The following SLCO4C1 variants were observed in gnomAD, a reference collection of about 807,000 sequenced individuals.
The protein encoded by SLCO4C1 is solute carrier organic anion transporter family member 4C1.
In SLCO4C1, 58 loss-of-function variants were observed where a neutral mutation model predicts 72.1. The ratio of observed to expected loss-of-function variants is 0.80; its 90% CI spans 0.65 to 1.00. SLCO4C1 has a LOEUF of 1.00. Ranked by LOEUF, SLCO4C1 falls within the 50% of genes least tolerant of loss-of-function variation. The probability of loss-of-function intolerance (pLI) is 0.00; values close to 1 mark genes in which losing one functional copy is unlikely to be tolerated. For missense variants in SLCO4C1, 898 were observed against 857.9 expected (o/e 1.05, Z -0.58); for synonymous variants, 297 against 312.5 (o/e 0.95, Z 0.52).
chr5:102,281,226 G>A (rs1749350677), intron 2 of SLCO4C1, among the ~76,000 whole-genome samples: 1 of 152,084 alleles, frequency 6.6e-6, no homozygotes, highest in South Asian at 2.1e-4. Flanking sequence ...TTCAAATGGA[G>A]CTAGAGCAAA....
chr5:102,285,212 T>TACACACACAC (rs3070619), intron 2 of SLCO4C1, among the ~76,000 whole-genome samples: 4,713 of 147,884 alleles, frequency 0.032, 245 homozygotes, highest in African/African-American at 0.11. Context: ...TATATATACA[T>TACACACACAC]ACACACACAC....
At chr5:102,267,596 TTAACTCTTG>T (rs1749064653) in intron 3 of SLCO4C1, among the ~76,000 whole-genome samples, 1 of 151,212 alleles carries the variant, frequency 6.6e-6, no homozygotes, top group Non-Finnish European at 1.5e-5. Context: ...TTTTTTTTTT[TTAACTCTTG>T]TAACTCTTGT....
In SLCO4C1 at chr5:102,258,092, A is replaced by AG; in HGVS notation, c.1129-6dup. 4.5e-6 allele frequency: 7 copies of AG among 1,538,738 alleles called. No individual in the cohort carries two copies. The highest frequency in any genetic ancestry group is 6.1e-6 in the Non-Finnish European group (7 of 1,149,518). ...GACAGCATTCTTCATCAAATTCTAA[A>AG]GAAAAAAATACAGTTCCTCAAATGA... On this transcript the variant is annotated splice_polypyrimidine_tract_variant and splice_region_variant and intron_variant, in intron 6 of 12. Transcript: ENST00000310954.
chr5:102,287,880 C>T (rs560101895), intron 2 of SLCO4C1, among the ~76,000 whole-genome samples: 1 of 152,102 alleles, frequency 6.6e-6, no homozygotes, highest in Admixed American at 6.6e-5. Context: ...AACATCCCTT[C>T]CGTTTCTAAA....
At chr5:102,287,808 C>A (rs776986027) in intron 2 of SLCO4C1, among the ~76,000 whole-genome samples, 1 of 151,992 alleles carries the variant, frequency 6.6e-6, no homozygotes, top group African/African-American at 2.4e-5. Context: ...CCCACCTTGG[C>A]CTCCAAAAGT....
At chr5:102,290,190 G>C (rs1196200803) in intron 2 of SLCO4C1, among the ~76,000 whole-genome samples, 3 of 152,188 alleles carry the variant, frequency 2.0e-5, no homozygotes, top group African/African-American at 7.2e-5. Flanking sequence ...CATGGGGAGA[G>C]AGGAAGCAAG....
At position 102,257,258 on chromosome 5, in the gene SLCO4C1, A is replaced by G. The variant is rs774062765; in HGVS notation, c.1326T>C (p.Leu442=). 5.0e-6 allele frequency: 8 copies of G among 1,608,112 alleles called. No homozygotes were observed. The Admixed American group carries it at 6.8e-5, about 14-fold the overall frequency. ...TACATGTCATTCTGAATTTTGAAAC[A>G]AGGAAGCCACCTAAAATTTGACCGA... ...AALGQILGGF[L]VSKFRMTCKN... Residue 442 remains leucine, a synonymous_variant, in exon 8 of 13, where the codon CTT becomes CTC. Coordinates refer to ENST00000310954, the MANE Select transcript of SLCO4C1 (RefSeq NM_180991.5).
chr5:102,264,163 C>T (rs1175959178), intron 3 of SLCO4C1, among the ~76,000 whole-genome samples: 1 of 152,082 alleles, frequency 6.6e-6, no homozygotes, highest in Non-Finnish European at 1.5e-5. Context: ...CTACTCTGCA[C>T]AACTCAGACA....
intron 2 of SLCO4C1, among the ~76,000 whole-genome samples, chr5:102,281,118 T>C (rs1437387523): frequency 7.9e-5 from 12 of 152,160 alleles, no homozygotes; most frequent in Admixed American, 7.2e-4. Context: ...CATATATCAA[T>C]GGAGCAGAGT....
At chr5:102,237,413 G>A (rs1200049154) in intron 12 of SLCO4C1, among the ~76,000 whole-genome samples, 2 of 151,090 alleles carry the variant, frequency 1.3e-5, no homozygotes, top group Non-Finnish European at 3.0e-5. Context: ...GACCAGGCTG[G>A]GCACCATAGG....
At chr5:102,291,227 G>T in intron 2 of SLCO4C1, 116 bp downstream of exon 2, 2 of 1,045,222 alleles carry the variant, frequency 1.9e-6, no homozygotes, top group Non-Finnish European at 2.8e-6. Flanking sequence ...CCAGTGAGGT[G>T]TGGAAGAGAT....
In SLCO4C1 at chr5:102,290,262, G is replaced by C. The variant is rs188485073; in HGVS notation, c.619+1081C>G. On this transcript the variant is annotated intron_variant, in intron 2 of 12. Coordinates refer to ENST00000310954, the MANE Select transcript of SLCO4C1 (RefSeq NM_180991.5). ...TGTAGAGTCTCACTATATTGCCCAG[G>C]CTGGTCTCTAACTCCTGAGCTCAAG... Among the ~76,000 whole-genome samples, 523 of 152,278 alleles carry C rather than the reference G, an allele frequency of 3.4e-3. 2 individuals carry two copies. Among genetic ancestry groups the C allele is most frequent in the African/African-American group, 0.012 (502 of 41,550 alleles).
Position 102,291,618 on chromosome 5 carries a change from A to C in SLCO4C1, c.356-12T>G. 1 of 1,590,482 alleles carries C rather than the reference A, an allele frequency of 6.3e-7. No individual in the cohort carries two copies. The highest frequency in any genetic ancestry group is 2.2e-5 in the East Asian group (1 of 44,538). ...ATTAACTACAATACCTAAAAAACAG[A>C]AAAGTTGATGTGCATCATTAATATT... On this transcript the variant is annotated splice_polypyrimidine_tract_variant and intron_variant, in intron 1 of 12. Transcript: ENST00000310954.
chr5:102,292,341 A>G (rs1749573050), intron 1 of SLCO4C1, among the ~76,000 whole-genome samples: 1 of 152,204 alleles, frequency 6.6e-6, no homozygotes, highest in Non-Finnish European at 1.5e-5. Context: ...AAAAGGCACA[A>G]GAGACCCCAT....
Position 102,296,264 on chromosome 5 carries a change from T to G in SLCO4C1, c.-2A>C. Reference sequence around the variant, plus strand: ...CTCAATACCTTTGGCGCTCTTCATGTCTGGATGGGTTCTCCCGACTCCGGT... The same window carrying G: ...CTCAATACCTTTGGCGCTCTTCATGGCTGGATGGGTTCTCCCGACTCCGGT... On this transcript the variant is annotated 5_prime_UTR_variant, in exon 1 of 13. Coordinates refer to ENST00000310954, the MANE Select transcript of SLCO4C1 (RefSeq NM_180991.5). The G allele has an allele frequency of 6.6e-7, 1 of 1,523,116 alleles. No homozygotes were observed. The highest frequency in any genetic ancestry group is 1.3e-5 in the South Asian group (1 of 75,328). The allele number at this position is 1,523,116 out of a possible 1,614,324, so 94.4% of individuals were successfully genotyped here. A position where few individuals can be genotyped will look rare whatever the true frequency, so the allele number is the denominator to read the frequency against.
rs543020304 is a variant in SLCO4C1 at position 102,291,228 on chromosome 5, T to C, written c.619+115A>G. On this transcript the variant is annotated intron_variant, in intron 2 of 12. Transcript: ENST00000310954. ...ACACAATGAACAAACCAGTGAGGTG[T>C]GGAAGAGATGTAAACCCTTACCATA... 5.3e-4 allele frequency: 554 copies of C among 1,054,510 alleles called. 1 individual carries two copies. The highest frequency in any genetic ancestry group is 8.6e-4 in the Middle Eastern group (3 of 3,504). The allele number at this position is 1,054,510 out of a possible 1,614,324, so 65.3% of individuals were successfully genotyped here.
At chr5:102,287,252 C>A (rs1749469712) in intron 2 of SLCO4C1, among the ~76,000 whole-genome samples, 1 of 151,998 alleles carries the variant, frequency 6.6e-6, no homozygotes, top group African/African-American at 2.4e-5. Context: ...ACAAATAATT[C>A]AGATTTTTCG....
At chr5:102,237,359 T>C (rs1748456390) in intron 12 of SLCO4C1, among the ~76,000 whole-genome samples, 1 of 152,044 alleles carries the variant, frequency 6.6e-6, no homozygotes, top group South Asian at 2.1e-4. Context: ...TCCCAGTACT[T>C]TGGGAAGCTG....
chr5:102,252,184 T>C (rs1748751923), intron 8 of SLCO4C1, among the ~76,000 whole-genome samples: 1 of 152,074 alleles, frequency 6.6e-6, no homozygotes, highest in African/African-American at 2.4e-5. Flanking sequence ...TCTGCCACCA[T>C]GAAGCTAACT....
Sources: gnomAD v4.1 joint callset for allele counts (sites outside exome capture counted in the v4.1 genomes callset) on GRCh38, gnomAD v4.1.1 for gene constraint, MANE v1.5 for transcripts, NCBI Gene and HGNC (gene_info 2026-07-23, HGNC 2026-07-21) for gene names.